Variants in GFI1 observed in about 807,000 individuals in gnomAD.
GFI1 encodes zinc finger protein Gfi-1.
A neutral mutation model predicts 39.2 loss-of-function variants in GFI1; 15 were observed. That is an observed-to-expected ratio of 0.38 (90% CI 0.26 to 0.59). GFI1 has a LOEUF of 0.59. Ranked by LOEUF, GFI1 falls within the 20% of genes least tolerant of loss-of-function variation. The pLI, the probability that GFI1 is intolerant of heterozygous loss-of-function variation, is 0.62. For synonymous variants in GFI1, 239 were observed against 254.3 expected (o/e 0.94, Z 0.57); for missense variants, 475 against 574.0 (o/e 0.83, Z 1.76).
intron 1 of GFI1, among the ~76,000 whole-genome samples, chr1:92,485,163 C>G (rs1261187013): frequency 6.6e-6 from 1 of 152,208 alleles, no homozygotes; most frequent in Non-Finnish European, 1.5e-5. Flanking sequence ...GCGAAGTTTC[C>G]CGCTACCCAA....
intron 1 of GFI1, chr1:92,486,177 T>G (rs1248617157): frequency 6.6e-6 from 1 of 151,972 alleles, no homozygotes; most frequent in East Asian, 1.9e-4. Flanking sequence ...ACTGAGTCGC[T>G]CGCATAGCCC....
intron 1 of GFI1, among the ~76,000 whole-genome samples, chr1:92,485,121 A>G (rs1364822741): frequency 2.0e-5 from 3 of 152,160 alleles, no homozygotes; most frequent in African/African-American, 7.2e-5. Flanking sequence ...GACCTGGGAG[A>G]AAAGACGCCT....
chr1:92,483,080 G>A (rs944285799), intron 2 of GFI1, 34 bp from the exon 3 acceptor site: 7 of 1,541,994 alleles, frequency 4.5e-6, no homozygotes, highest in African/African-American at 1.4e-5. Context: ...GGCTCAGGCT[G>A]GGACCGGTTG....
chr1:92,483,495 C>A lies in GFI1; in HGVS notation c.-8G>T. The A allele has an allele frequency of 1.3e-6, 2 of 1,550,278 alleles. No homozygotes were observed. Among genetic ancestry groups the A allele is most frequent in the South Asian group, 1.1e-5 (1 of 88,470 alleles). ...GAGAAATGAGCGCGGCATGGTGGTC[C>A]GGCACTTTCCCCACTGCGCCCCAAG... On this transcript the variant is annotated 5_prime_UTR_variant, in exon 2 of 7. Transcript: ENST00000294702.
At chr1:92,486,110 A>C (rs1015979868) in intron 1 of GFI1, 1 of 152,232 alleles carries the variant, frequency 6.6e-6, no homozygotes, top group Non-Finnish European at 1.5e-5. Context: ...TAAAAAAAAA[A>C]AAAATTCTCC....
intron 6 of GFI1, among the ~76,000 whole-genome samples, chr1:92,476,778 CTT>C (rs1400350239): frequency 2.6e-5 from 4 of 152,060 alleles, no homozygotes; most frequent in Non-Finnish European, 5.9e-5. Flanking sequence ...CTCTCTCTCT[CTT>C]TCTTTCTAAG....
chr1:92,486,362 G>C (rs972256459), intron 1 of GFI1, among the ~76,000 whole-genome samples: 10 of 152,228 alleles, frequency 6.6e-5, no homozygotes, highest in African/African-American at 2.4e-4. Flanking sequence ...CGGACACTTA[G>C]GCACTAGAAA....
intron 6 of GFI1, 145 bp downstream of exon 6, chr1:92,478,443 C>A: frequency 1.4e-6 from 1 of 735,054 alleles, no homozygotes; most frequent in Non-Finnish European, 2.4e-6. Context: ...CCAAAGAACC[C>A]ACCCCTTTGT....
At position 92,473,704 on chromosome 1, in the gene GFI1, C is replaced by G. The variant is rs573185483; in HGVS notation, c.*2325G>C. Among the ~76,000 whole-genome samples the G allele has an allele frequency of 1.3e-5, 2 of 152,120 alleles. No individual in the cohort carries two copies. Among genetic ancestry groups the G allele is most frequent in the African/African-American group, 4.8e-5 (2 of 41,424 alleles). ...AAGTCGTGTGGATTCTATTTGTTTC[C>G]CAGGCTGTCAAGCAATCTCTCTTCC... is the stretch of plus-strand genomic sequence containing the variant. On this transcript the variant is annotated 3_prime_UTR_variant, in exon 7 of 7. Transcript: ENST00000294702.
chr1:92,486,921 C>G lies in GFI1; in HGVS notation c.-295G>C, dbSNP rs1658552443. 6.6e-6 allele frequency: 1 copy of G among 152,168 alleles called. No homozygotes were observed. Among genetic ancestry groups the G allele is most frequent in the South Asian group, 2.1e-4 (1 of 4,830 alleles). The allele number at this position is 152,168 out of a possible 1,614,324, so 9.4% of individuals were successfully genotyped here. On this transcript the variant is annotated 5_prime_UTR_variant, in exon 1 of 7. Coordinates refer to ENST00000294702, the MANE Select transcript of GFI1 (RefSeq NM_005263.5). ...CTCTCGACCGGGTCCGCTCAGCCTT[C>G]GACTAATTTCCGGTGGTCGGAGCTG...
At position 92,480,220 on chromosome 1, in the gene GFI1, G is replaced by A. The variant is rs1056168340; in HGVS notation, c.924+128C>T. 5.2e-5 allele frequency: 55 copies of A among 1,065,466 alleles called. No individual in the cohort carries two copies. Among genetic ancestry groups the A allele is most frequent in the Non-Finnish European group, 7.6e-5 (55 of 724,912 alleles). 66.0% of individuals were successfully genotyped at this position (1,065,466 alleles called of 1,614,324 possible). ...CACCAGGGCAAGGGGACGCAGCGGA[G>A]GGCTTGGGGGAGGAAACTGGGGGAA... is the stretch of plus-strand genomic sequence containing the variant. On this transcript the variant is annotated intron_variant, in intron 5 of 6. Coordinates refer to ENST00000294702, the MANE Select transcript of GFI1 (RefSeq NM_005263.5). The surrounding 1 kb of genome is among the most constrained non-coding windows in gnomAD (Gnocchi z 5.6).
At chr1:92,477,222 G>A (rs1434573877) in intron 6 of GFI1, among the ~76,000 whole-genome samples, 1 of 152,224 alleles carries the variant, frequency 6.6e-6, no homozygotes, top group Non-Finnish European at 1.5e-5. Flanking sequence ...ACAAATCTGA[G>A]AAAACAAATT....
chr1:92,482,246 C>A lies in GFI1; in HGVS notation c.298+618G>T, dbSNP rs1658293514. On this transcript the variant is annotated intron_variant, in intron 3 of 6. Transcript: ENST00000294702. The surrounding 1 kb of genome is among the most constrained non-coding windows in gnomAD (Gnocchi z 4.4). ...TGCTCATTCCTTCCCCCGGCCGGGA[C>A]TCGAGACGCCCCCACCCAACGTGTG... is the stretch of plus-strand genomic sequence containing the variant. 6.6e-6 allele frequency among the ~76,000 whole-genome samples: 1 copy of A among 152,082 alleles called. No homozygotes were observed. Among genetic ancestry groups the A allele is most frequent in the Non-Finnish European group, 1.5e-5 (1 of 68,008 alleles).
chr1:92,480,246 G>T lies in GFI1; in HGVS notation c.924+102C>A. ...GGCTTGGGGGAGGAAACTGGGGGAAGTCGAGGAGAAAACTTCCAGGCAGAG... is the reference window on the plus strand; with the variant it reads ...GGCTTGGGGGAGGAAACTGGGGGAATTCGAGGAGAAAACTTCCAGGCAGAG... On this transcript the variant is annotated intron_variant, in intron 5 of 6. Transcript: ENST00000294702. This position sits in a 1 kb window ranked among gnomAD's most constrained non-coding sequence, Gnocchi z 5.6. The T allele has an allele frequency of 7.7e-7, 1 of 1,306,906 alleles. No homozygotes were observed. Among genetic ancestry groups the T allele is most frequent in the Non-Finnish European group, 1.1e-6 (1 of 940,730 alleles). The allele number at this position is 1,306,906 out of a possible 1,614,324, so 81.0% of individuals were successfully genotyped here. A position where few individuals can be genotyped will look rare whatever the true frequency, so the allele number is the denominator to read the frequency against.
chr1:92,485,125 G>C (rs1658465780), intron 1 of GFI1, among the ~76,000 whole-genome samples: 2 of 152,200 alleles, frequency 1.3e-5, no homozygotes, highest in African/African-American at 2.4e-5. Flanking sequence ...TGGGAGAAAA[G>C]ACGCCTGGGA....
intron 1 of GFI1, chr1:92,483,837 C>A: frequency 5.3e-6 from 2 of 374,232 alleles, no homozygotes; most frequent in Middle Eastern, 8.8e-4. Flanking sequence ...TCTCAGGCCC[C>A]TTTCCTCCTC....
intron 1 of GFI1, chr1:92,486,015 T>G (rs1053893729): frequency 6.6e-6 from 1 of 152,152 alleles, no homozygotes; most frequent in African/African-American, 2.4e-5. Flanking sequence ...CGGACCTACC[T>G]GCGGAGTCAC....
At position 92,480,332 on chromosome 1, in the gene GFI1, TG is replaced by T. The variant is rs2101569306; in HGVS notation, c.924+15del. ...CCCCGAGCAGGGCCGCGCGCGGCGG[TG>T]CGCCCCGCGCTTACCTGCGAGTGCA... On this transcript the variant is annotated intron_variant, in intron 5 of 6. Coordinates refer to ENST00000294702, the MANE Select transcript of GFI1 (RefSeq NM_005263.5). The surrounding 1 kb of genome is among the most constrained non-coding windows in gnomAD (Gnocchi z 5.6). 6.5e-7 allele frequency: 1 copy of T among 1,544,654 alleles called. No homozygotes were observed.
In GFI1 at chr1:92,473,825, C is replaced by A. The variant is rs1323895429; in HGVS notation, c.*2204G>T. Among the ~76,000 whole-genome samples the A allele has an allele frequency of 1.3e-5, 2 of 152,196 alleles. No homozygotes were observed. Among genetic ancestry groups the A allele is most frequent in the Non-Finnish European group, 2.9e-5 (2 of 68,034 alleles). ...CATCTCAGTAAATATTTATTAATCT[C>A]CTACTGTGTGCCAGGCACTATTCTG... is the stretch of plus-strand genomic sequence containing the variant. On this transcript the variant is annotated 3_prime_UTR_variant, in exon 7 of 7. Coordinates refer to ENST00000294702, the MANE Select transcript of GFI1 (RefSeq NM_005263.5).
Sources: gnomAD v4.1 joint callset for allele counts (sites outside exome capture counted in the v4.1 genomes callset) on GRCh38, gnomAD v4.1.1 for gene constraint, Gnocchi (gnomAD v3.1) non-coding constraint, MANE v1.5 for transcripts, NCBI Gene and HGNC (gene_info 2026-07-23, HGNC 2026-07-21) for gene names.